The following MROH7 variants were observed in gnomAD, a reference collection of about 807,000 sequenced individuals.
The protein encoded by MROH7 is maestro heat like repeat family member 7.
In MROH7, 113 loss-of-function variants were observed where a neutral mutation model predicts 129.2. The observed-to-expected ratio is 0.87, with a 90% CI of 0.75 to 1.02. MROH7 has a LOEUF of 1.02. Ranked by LOEUF, MROH7 falls within the 50% of genes least tolerant of loss-of-function variation. The pLI, the probability that MROH7 is intolerant of heterozygous loss-of-function variation, is 0.00. For missense variants in MROH7, 1,601 were observed against 1,671.3 expected, an observed-to-expected ratio of 0.96 and a Z score of 0.73; for synonymous variants, 655 against 667.9, an observed-to-expected ratio of 0.98 and a Z score of 0.30.
At chr1:54,706,348 G>C (rs933405082) in intron 21 of MROH7, 87 bp from the exon 22 acceptor site, 1 of 940,088 alleles carries the variant, frequency 1.1e-6, no homozygotes, top group African/African-American at 1.6e-5. Context: ...CAGGGGGTGA[G>C]GGTCACCATT....
chr1:54,645,460 T>C (rs1427460675), intron 1 of MROH7, among the ~76,000 whole-genome samples: 1 of 151,754 alleles, frequency 6.6e-6, no homozygotes, highest in Non-Finnish European at 1.5e-5. Context: ...TTTGTATTTT[T>C]AGTAGAGACA....
chr1:54,686,470 G>A, intron 15 of MROH7, 22 bp downstream of exon 15: 1 of 1,605,632 alleles, frequency 6.2e-7, no homozygotes, highest in African/African-American at 1.3e-5. Flanking sequence ...CCTCTCTCTT[G>A]ACCCTGCTGT....
Position 54,710,065 on chromosome 1 carries a change from G to T in MROH7, c.3850G>T (p.Val1284Leu). The part of the protein sequence containing the change: ...NSWLPHGNSW[V>L]CYSATTHRWS... Reference sequence around the variant, plus strand: ...CTGGCTGCCGCACGGGAACTCATGGGTGTGTTACTCAGCCACCACCCACCG... The same window carrying T: ...CTGGCTGCCGCACGGGAACTCATGGTTGTGTTACTCAGCCACCACCCACCG... Residue 1284 changes from valine to leucine, a missense_variant, in exon 24 of 24, where the codon GTG becomes TTG. By Grantham distance (32) the Val-to-Leu change is conservative. Transcript: ENST00000421030. 1 of 1,614,126 alleles carries T rather than the reference G, an allele frequency of 6.2e-7. No individual in the cohort carries two copies.
chr1:54,699,118 C>CTT lies in MROH7; in HGVS notation c.2965-1201_2965-1200dup, dbSNP rs1471266721. ...CTTTTCTTTCTTTCTTTCTTTCTTT[C>CTT]TTTCTTTCTTTCTTTCTTTCTTTCT... is the stretch of plus-strand genomic sequence containing the variant. On this transcript the variant is annotated intron_variant, in intron 17 of 23. Transcript: ENST00000421030. The CTT allele has an allele frequency of 5.9e-5, 5 of 84,314 alleles. 1 individual carries two copies. Among genetic ancestry groups the CTT allele is most frequent in the African/African-American group, 2.2e-4 (5 of 22,636 alleles). The allele number at this position is 84,314 out of a possible 1,614,324, so 5.2% of individuals were successfully genotyped here. A position where few individuals can be genotyped will look rare whatever the true frequency, so the allele number is the denominator to read the frequency against.
At chr1:54,649,462 C>A (rs959472023) in intron 1 of MROH7, among the ~76,000 whole-genome samples, 2 of 152,246 alleles carry the variant, frequency 1.3e-5, no homozygotes, top group African/African-American at 4.8e-5. Context: ...TGGTAGAGGG[C>A]AAGCCATGGG....
At chr1:54,701,415 G>A (rs1645434609) in intron 19 of MROH7, 93 bp downstream of exon 19, 1 of 1,169,174 alleles carries the variant, frequency 8.6e-7, no homozygotes, top group Non-Finnish European at 1.2e-6. Flanking sequence ...CCCCCATCAG[G>A]ACCTGGGCAG....
intron 3 of MROH7, among the ~76,000 whole-genome samples, chr1:54,659,457 A>AT (rs762971443): frequency 5.4e-3 from 353 of 64,980 alleles, no homozygotes; most frequent in Middle Eastern, 0.011. Flanking sequence ...TAATTTTTGT[A>AT]TTTTTTTTTT....
In MROH7 at chr1:54,694,922, G is replaced by A. The variant is rs1004014794; in HGVS notation, c.2850-454G>A. On this transcript the variant is annotated intron_variant, in intron 16 of 23. Transcript: ENST00000421030. ...TCGGCCATTTTCTAGCTCTGTGACC[G>A]TGGGCGGTTCACACTTAGAGCCTCT... Among the ~76,000 whole-genome samples, 18 of 152,338 alleles carry A rather than the reference G, an allele frequency of 1.2e-4. No homozygotes were observed. In the East Asian group the frequency reaches 2.7e-3, roughly 23 times the overall value.
chr1:54,653,417 G>C lies in MROH7; in HGVS notation c.491G>C (p.Gly164Ala). 1 of 1,614,144 alleles carries C rather than the reference G, an allele frequency of 6.2e-7. No homozygotes were observed. ...KCLSSKIFKL[G>A]QRNSNPSRHE... The stretch of plus-strand genomic sequence containing the variant: ...CTCTCAAGTAAGATTTTCAAGTTGG[G>C]TCAGAGAAACTCCAACCCTTCTAGG... The change falls in exon 3 of 24, where the codon GGT (glycine) becomes GCT (alanine). Residue 164 changes from glycine to alanine, a missense_variant. By Grantham distance (60) the Gly-to-Ala change is moderately conservative. Coordinates refer to ENST00000421030, the MANE Select transcript of MROH7 (RefSeq NM_001039464.4).
intron 15 of MROH7, among the ~76,000 whole-genome samples, chr1:54,691,741 G>A (rs981268852): frequency 1.3e-5 from 2 of 149,672 alleles, no homozygotes; most frequent in Admixed American, 1.3e-4. Flanking sequence ...AGGAGGCAGA[G>A]ATTGCAGTGA....
chr1:54,684,703 G>C (rs1157735644), intron 14 of MROH7, among the ~76,000 whole-genome samples: 1 of 152,222 alleles, frequency 6.6e-6, no homozygotes, highest in Non-Finnish European at 1.5e-5. Context: ...TTGAGTCCAA[G>C]AGACTTGTCT....
rs2078273 is a variant in MROH7, at chr1:54,665,258, C to T, written c.1305+18C>T. 0.39 allele frequency: 627,956 copies of T among 1,603,420 alleles called. 127,211 individuals carry two copies. The highest frequency in any genetic ancestry group is 0.59 in the East Asian group (26,562 of 44,758). On this transcript the variant is annotated intron_variant, in intron 4 of 23. Coordinates refer to ENST00000421030, the MANE Select transcript of MROH7 (RefSeq NM_001039464.4). ...TGGCTCTGGTATGCCTCCTGCCCAACCCCTAGCTGACTGTGCTGGGATACT... is the reference window on the plus strand; with the variant it reads ...TGGCTCTGGTATGCCTCCTGCCCAATCCCTAGCTGACTGTGCTGGGATACT...
rs201277023 is a variant in MROH7 at position 54,701,219 on chromosome 1, C to T, written c.3182C>T (p.Ala1061Val). 1.6e-4 allele frequency: 264 copies of T among 1,614,146 alleles called. No homozygotes were observed. Among genetic ancestry groups the T allele is most frequent in the Admixed American group, 2.8e-4 (17 of 60,026 alleles). ...ATGGATGGGATGCTGGTGGTGGAAGCGGTCCACAACCTCAAGGCTGTCTTC... is the reference window on the plus strand; with the variant it reads ...ATGGATGGGATGCTGGTGGTGGAAGTGGTCCACAACCTCAAGGCTGTCTTC... ...KNMDGMLVVE[A>V]VHNLKAVFKG... The change falls in exon 19 of 24, where the codon GCG (alanine) becomes GTG (valine). Residue 1061 changes from alanine to valine, a missense_variant. Ala to Val is a moderately conservative substitution (Grantham distance 64). Transcript: ENST00000421030.
At chr1:54,669,762 G>A (rs1054956549) in intron 5 of MROH7, among the ~76,000 whole-genome samples, 5 of 152,170 alleles carry the variant, frequency 3.3e-5, no homozygotes, top group Non-Finnish European at 2.9e-5. Flanking sequence ...CATTTTGGGA[G>A]GCCAAGGCAG....
chr1:54,644,600 C>G (rs1399638018), intron 1 of MROH7, among the ~76,000 whole-genome samples: 1 of 151,904 alleles, frequency 6.6e-6, no homozygotes, highest in African/African-American at 2.4e-5. Context: ...GACTCAGCCT[C>G]CCAAAGTGCT....
intron 3 of MROH7, among the ~76,000 whole-genome samples, chr1:54,658,278 T>C (rs1644678965): frequency 6.6e-6 from 1 of 152,234 alleles, no homozygotes. Context: ...TTGTCAAAAA[T>C]AGACCAACCA....
At chr1:54,665,840 G>A (rs1644805356) in intron 4 of MROH7, 1 of 152,984 alleles carries the variant, frequency 6.5e-6, no homozygotes, top group African/African-American at 2.4e-5. Flanking sequence ...GCAGGAGGCA[G>A]GTCCTGCCTG....
Position 54,700,480 on chromosome 1 carries a change from A to G in MROH7, c.3105+19A>G, listed in dbSNP as rs1475159809. The G allele has an allele frequency of 6.4e-7, 1 of 1,560,162 alleles. No homozygotes were observed. The highest frequency in any genetic ancestry group is 8.7e-7 in the Non-Finnish European group (1 of 1,152,086). ...TGAGAAGGTGAGTGGGAGGCAGAGG[A>G]AAGCCTGGCCCAGCCAGGCCCCAGA... is the stretch of plus-strand genomic sequence containing the variant. On this transcript the variant is annotated intron_variant, in intron 18 of 23. Coordinates refer to ENST00000421030, the MANE Select transcript of MROH7 (RefSeq NM_001039464.4).
At position 54,652,306 on chromosome 1, in the gene MROH7, C is replaced by T. The variant is rs572119523; in HGVS notation, c.-75+323C>T. Among the ~76,000 whole-genome samples, 53 of 152,294 alleles carry T rather than the reference C, an allele frequency of 3.5e-4. 1 individual carries two copies. In the South Asian group the frequency reaches 0.011, roughly 31 times the overall value. ...GCTCCTTGTTGGTGCACTTAGGTTACCCTGTCACATGTGGCCAGCTGGAAG... is the reference window on the plus strand; with the variant it reads ...GCTCCTTGTTGGTGCACTTAGGTTATCCTGTCACATGTGGCCAGCTGGAAG... On this transcript the variant is annotated intron_variant, in intron 2 of 23. Coordinates refer to ENST00000421030, the MANE Select transcript of MROH7 (RefSeq NM_001039464.4).
Sources: gnomAD v4.1 joint callset for allele counts (sites outside exome capture counted in the v4.1 genomes callset) on GRCh38, gnomAD v4.1.1 for gene constraint, MANE v1.5 for transcripts, NCBI Gene and HGNC (gene_info 2026-07-23, HGNC 2026-07-21) for gene names.